The following PAPSS1 variants were observed in gnomAD, a reference collection of about 807,000 sequenced individuals.
PAPSS1 encodes 3'-phosphoadenosine 5'-phosphosulfate synthase 1.
Under a neutral mutation model 72.0 loss-of-function variants are expected in PAPSS1, and 50 were observed. The observed-to-expected ratio is 0.69, with a 90% CI of 0.55 to 0.88. The LOEUF (loss-of-function observed/expected upper bound fraction) is 0.88, where lower values mean the gene tolerates loss of function less well. Ranked by LOEUF, PAPSS1 falls within the 40% of genes least tolerant of loss-of-function variation. PAPSS1 has a pLI of 0.00. For synonymous variants in PAPSS1, 261 were observed against 263.6 expected (o/e 0.99, Z 0.09); for missense variants, 657 against 782.2 (o/e 0.84, Z 1.91).
chr4:107,704,461 T>C (rs1465558661), intron 1 of PAPSS1, among the ~76,000 whole-genome samples: 3 of 152,226 alleles, frequency 2.0e-5, no homozygotes, highest in Non-Finnish European at 2.9e-5. Context: ...TGTTTTACCA[T>C]TGAGTATGAT....
chr4:107,644,294 CT>C (rs1191067022), intron 10 of PAPSS1, among the ~76,000 whole-genome samples: 1 of 152,338 alleles, frequency 6.6e-6, no homozygotes, highest in African/African-American at 2.4e-5. Context: ...AGATCTTCCC[CT>C]GAAGTAGGTC....
intron 10 of PAPSS1, among the ~76,000 whole-genome samples, chr4:107,644,355 C>T (rs1560570293): frequency 2.0e-5 from 3 of 152,164 alleles, no homozygotes; most frequent in Admixed American, 6.5e-5. Context: ...AGGAAAGGAA[C>T]GTGCCTATCT....
chr4:107,660,745 G>A (rs1033175269), intron 5 of PAPSS1, among the ~76,000 whole-genome samples: 2 of 152,106 alleles, frequency 1.3e-5, no homozygotes, highest in East Asian at 3.8e-4. Context: ...CACAACACTT[G>A]ACATATCCCT....
At chr4:107,653,421 C>A in intron 9 of PAPSS1, 70 bp downstream of exon 9, 1 of 1,448,176 alleles carries the variant, frequency 6.9e-7, no homozygotes, top group Non-Finnish European at 9.4e-7. Context: ...TTTTCGTAAG[C>A]ACTGGAAAAA....
chr4:107,712,659 G>A (rs796548041), intron 1 of PAPSS1, among the ~76,000 whole-genome samples: 6 of 152,190 alleles, frequency 3.9e-5, no homozygotes, highest in African/African-American at 1.4e-4. Context: ...TGGATCATGA[G>A]GTCAAGAGAT....
At chr4:107,684,149 T>C (rs1418893133) in intron 4 of PAPSS1, among the ~76,000 whole-genome samples, 2 of 152,104 alleles carry the variant, frequency 1.3e-5, no homozygotes, top group Non-Finnish European at 2.9e-5. Context: ...GTGGACAAGG[T>C]CTTATTCATC....
chr4:107,623,758 T>C (rs993636369), intron 11 of PAPSS1, among the ~76,000 whole-genome samples: 2 of 152,186 alleles, frequency 1.3e-5, no homozygotes, highest in African/African-American at 2.4e-5. Context: ...CTATGAGGCA[T>C]TGAAAATCAA....
chr4:107,690,538 C>T (rs1208177034), intron 3 of PAPSS1, among the ~76,000 whole-genome samples: 4 of 152,162 alleles, frequency 2.6e-5, no homozygotes, highest in African/African-American at 7.2e-5. Context: ...TCCGCATTCC[C>T]ACCAGACTAC....
At position 107,720,192 on chromosome 4, in the gene PAPSS1, C is replaced by A. The variant is rs1313808180; in HGVS notation, c.-13G>T. 2.5e-6 allele frequency: 4 copies of A among 1,599,326 alleles called. No homozygotes were observed. In the East Asian group the frequency reaches 9.3e-5, roughly 37 times the overall value. Reference sequence around the variant, plus strand: ...CGGGGATCTCCATGACCGCGGAGCGCGCTGAGCAGCCGGGGTTCTCTGCGC... The same window carrying A: ...CGGGGATCTCCATGACCGCGGAGCGAGCTGAGCAGCCGGGGTTCTCTGCGC... On this transcript the variant is annotated 5_prime_UTR_variant, in exon 1 of 12. Transcript: ENST00000265174.
chr4:107,622,345 A>T (rs1231418610), intron 11 of PAPSS1, among the ~76,000 whole-genome samples: 1 of 152,182 alleles, frequency 6.6e-6, no homozygotes, highest in African/African-American at 2.4e-5. Flanking sequence ...CCCAGATACT[A>T]TAGTTGACTA....
At chr4:107,685,764 A>C (rs1037616682) in intron 4 of PAPSS1, among the ~76,000 whole-genome samples, 7 of 152,208 alleles carry the variant, frequency 4.6e-5, no homozygotes, top group African/African-American at 1.7e-4. Flanking sequence ...CCCAGGTTCA[A>C]ATACAGAAGA....
At chr4:107,689,776 G>T (rs577758215) in intron 3 of PAPSS1, among the ~76,000 whole-genome samples, 56 of 152,160 alleles carry the variant, frequency 3.7e-4, no homozygotes, top group African/African-American at 1.2e-3. Context: ...CAATTTCCTA[G>T]ATGGCCCAGT....
chr4:107,644,717 G>A, intron 10 of PAPSS1, 85 bp downstream of exon 10: 1 of 1,360,112 alleles, frequency 7.4e-7, no homozygotes. Context: ...ACAGAGCACA[G>A]AAAAAGCAAT....
chr4:107,649,552 C>T (rs1158193702), intron 9 of PAPSS1, among the ~76,000 whole-genome samples: 1 of 152,228 alleles, frequency 6.6e-6, no homozygotes, highest in African/African-American at 2.4e-5. Flanking sequence ...CTGACTGACA[C>T]AGGTTCCCTC....
rs59817835 is a variant in PAPSS1 at position 107,684,937 on chromosome 4, G to A, written c.550+2102C>T. ...TTTTTTTTTTTTTAGATGGAGTCTC[G>A]CTCTGTCGCCCAGGCTAGAGTGCAG... On this transcript the variant is annotated intron_variant, in intron 4 of 11. Transcript: ENST00000265174. Among the ~76,000 whole-genome samples, 11 of 151,610 alleles carry A rather than the reference G, an allele frequency of 7.3e-5. 1 individual carries two copies. Among genetic ancestry groups the A allele is most frequent in the East Asian group, 5.8e-4 (3 of 5,168 alleles).
At chr4:107,619,840 C>T (rs1020559265) in intron 11 of PAPSS1, among the ~76,000 whole-genome samples, 8 of 152,230 alleles carry the variant, frequency 5.3e-5, no homozygotes, top group East Asian at 3.9e-4. Context: ...AGACAGAATG[C>T]TAGCTCTTAA....
intron 2 of PAPSS1, among the ~76,000 whole-genome samples, chr4:107,698,385 C>T (rs1723123040): frequency 6.6e-6 from 1 of 152,234 alleles, no homozygotes; most frequent in Admixed American, 6.5e-5. Context: ...ATACTGCACA[C>T]ATCAGGTGAA....
At chr4:107,681,888 T>C (rs1275081735) in intron 5 of PAPSS1, 127 bp downstream of exon 5, 4 of 592,368 alleles carry the variant, frequency 6.8e-6, no homozygotes, top group East Asian at 2.8e-5. Context: ...AGAACACTGT[T>C]GGCATTTCGA....
At chr4:107,654,637 T>C in intron 8 of PAPSS1, 58 bp downstream of exon 8, 1 of 1,401,522 alleles carries the variant, frequency 7.1e-7, no homozygotes, top group Admixed American at 1.7e-5. Flanking sequence ...AATGCCCACA[T>C]TTCAGCACAA....
Sources: allele counts gnomAD v4.1 joint callset (sites outside exome capture counted in the v4.1 genomes callset), GRCh38; gene constraint gnomAD v4.1.1; transcripts MANE v1.5; gene names NCBI Gene and HGNC (gene_info 2026-07-23, HGNC 2026-07-21).